ZFP91: variants seen among roughly 807,000 people sequenced by gnomAD.
ZFP91 encodes the protein E3 ubiquitin-protein ligase ZFP91.
Under a neutral mutation model 63.5 loss-of-function variants are expected in ZFP91, and 7 were observed. The ratio of observed to expected loss-of-function variants is 0.11; its 90% CI spans 0.06 to 0.21. The LOEUF is 0.21. Ranked by LOEUF, ZFP91 falls within the 10% of genes least tolerant of loss-of-function variation. The probability of loss-of-function intolerance (pLI) is 1.00; values close to 1 mark genes in which losing one functional copy is unlikely to be tolerated. For missense variants in ZFP91, 628 were observed against 736.6 expected, an observed-to-expected ratio of 0.85 and a Z score of 1.71; for synonymous variants, 330 against 272.1, an observed-to-expected ratio of 1.21 and a Z score of -2.10.
chr11:58,585,046 A>ACGT (rs1855182346), intron 2 of ZFP91, among the ~76,000 whole-genome samples, 162 bp downstream of exon 2: 1 of 152,208 alleles, frequency 6.6e-6, no homozygotes, highest in Admixed American at 6.5e-5. Context: ...CGTTTGGATA[A>ACGT]TAGAGTATAT....
intron 2 of ZFP91, among the ~76,000 whole-genome samples, chr11:58,593,603 A>T (rs1188445422): frequency 6.6e-6 from 1 of 152,252 alleles, no homozygotes; most frequent in African/African-American, 2.4e-5. Context: ...GATCCATTTT[A>T]TATGAACCAA....
At chr11:58,603,477 C>T (rs530974276) in intron 2 of ZFP91, among the ~76,000 whole-genome samples, 4 of 152,288 alleles carry the variant, frequency 2.6e-5, no homozygotes, top group Admixed American at 2.6e-4. Flanking sequence ...CAGGAAAGAT[C>T]TGTGGAGGAC....
At chr11:58,614,386 C>A in intron 9 of ZFP91, 43 bp downstream of exon 9, 1 of 1,397,070 alleles carries the variant, frequency 7.2e-7, no homozygotes, top group Non-Finnish European at 9.9e-7. Context: ...TTGCACTGTG[C>A]TTTAGTTTTG....
At chr11:58,614,202 TC>T in intron 8 of ZFP91, 26 bp from the exon 9 acceptor site, 2 of 1,477,242 alleles carry the variant, frequency 1.4e-6, no homozygotes, top group Non-Finnish European at 9.2e-7. Flanking sequence ...TTTTTTTTTT[TC>T]GCCCCTTTCA....
chr11:58,612,248 T>A, intron 6 of ZFP91, 30 bp from the exon 7 acceptor site: 1 of 1,611,598 alleles, frequency 6.2e-7, no homozygotes, highest in Non-Finnish European at 8.5e-7. Context: ...ATTCAGAATA[T>A]GTCTACTGTT....
intron 2 of ZFP91, among the ~76,000 whole-genome samples, chr11:58,588,472 T>C (rs1002397008): frequency 6.6e-6 from 1 of 152,188 alleles, no homozygotes; most frequent in Non-Finnish European, 1.5e-5. Context: ...TTTTCTTATA[T>C]TGATACAGTC....
At chr11:58,597,913 C>G (rs1280387786) in intron 2 of ZFP91, among the ~76,000 whole-genome samples, 1 of 152,114 alleles carries the variant, frequency 6.6e-6, no homozygotes, top group Non-Finnish European at 1.5e-5. Flanking sequence ...AGTGGCAACT[C>G]TTATGGGTCC....
chr11:58,602,620 T>G (rs1417550217), intron 2 of ZFP91, among the ~76,000 whole-genome samples: 4 of 152,218 alleles, frequency 2.6e-5, no homozygotes, highest in African/African-American at 2.4e-5. Flanking sequence ...CGAGTTGAAT[T>G]GCTTTCCTCA....
chr11:58,612,381 T>C, intron 7 of ZFP91, 53 bp downstream of exon 7: 1 of 1,574,270 alleles, frequency 6.4e-7, no homozygotes, highest in Non-Finnish European at 8.7e-7. Flanking sequence ...ACCAGGCACT[T>C]TACTCACAAA....
At chr11:58,593,973 C>T (rs1425931847) in intron 2 of ZFP91, among the ~76,000 whole-genome samples, 1 of 152,164 alleles carries the variant, frequency 6.6e-6, no homozygotes, top group Non-Finnish European at 1.5e-5. Context: ...CTCTTTAAAG[C>T]CATTATTATC....
chr11:58,618,970 A>G lies in ZFP91; in HGVS notation c.*1264A>G, dbSNP rs1855801122. 8.9e-6 allele frequency: 2 copies of G among 224,724 alleles called. No individual in the cohort carries two copies. Among genetic ancestry groups the G allele is most frequent in the African/African-American group, 2.4e-5 (1 of 42,138 alleles). The allele number at this position is 224,724 out of a possible 1,614,324, so 13.9% of individuals were successfully genotyped here. On this transcript the variant is annotated 3_prime_UTR_variant, in exon 11 of 11. Transcript: ENST00000316059. ...TTTCTTTTCCTTTTTTTTTGTCCCT[A>G]CCATTTCCTTACATTTCCCTTGGGG... is the stretch of plus-strand genomic sequence containing the variant.
At chr11:58,587,987 C>A (rs1855240127) in intron 2 of ZFP91, among the ~76,000 whole-genome samples, 2 of 152,032 alleles carry the variant, frequency 1.3e-5, no homozygotes, top group African/African-American at 4.8e-5. Flanking sequence ...TTATTTATTG[C>A]AGAACTTCTC....
At chr11:58,584,016 A>G (rs890668739) in intron 1 of ZFP91, among the ~76,000 whole-genome samples, 1 of 152,058 alleles carries the variant, frequency 6.6e-6, no homozygotes, top group Non-Finnish European at 1.5e-5. Context: ...AGTAGTAAGT[A>G]TAGGAAGTTC....
chr11:58,616,668 T>G (rs546880847), intron 9 of ZFP91, 48 bp from the exon 10 acceptor site: 3 of 1,528,042 alleles, frequency 2.0e-6, no homozygotes, highest in Non-Finnish European at 2.7e-6. Flanking sequence ...AGGGAAAATA[T>G]TTACAGGGTA....
rs370155539 is a variant in ZFP91 at position 58,616,692 on chromosome 11, C to G, written c.1103-24C>G. 1.8e-5 allele frequency: 29 copies of G among 1,600,078 alleles called. No homozygotes were observed. The South Asian group carries it at 2.2e-4, about 12-fold the overall frequency. ...ATTTACAGGGTATCTAAATAGAACA[C>G]TAACCACAGTATTTTCTTCATAGAT... On this transcript the variant is annotated intron_variant, in intron 9 of 10. Coordinates refer to ENST00000316059, the MANE Select transcript of ZFP91 (RefSeq NM_053023.5).
chr11:58,604,455 A>G (rs942014328), intron 2 of ZFP91, among the ~76,000 whole-genome samples: 3 of 152,180 alleles, frequency 2.0e-5, no homozygotes, highest in Admixed American at 1.3e-4. Context: ...TTGGACTTTT[A>G]TCCTCCAGAA....
intron 2 of ZFP91, among the ~76,000 whole-genome samples, chr11:58,598,101 A>G (rs1855432999): frequency 6.6e-6 from 1 of 152,190 alleles, no homozygotes; most frequent in Admixed American, 6.5e-5. Flanking sequence ...GGAGATAGCT[A>G]TGAAATTATT....
chr11:58,610,947 T>C lies in ZFP91; in HGVS notation c.618-3T>C. ...TGTCTCATTTCTATTTACTTATTTT[T>C]AGTAGTGAAGAGGAAGAGGAGGAGG... On this transcript the variant is annotated splice_polypyrimidine_tract_variant and splice_region_variant and intron_variant, in intron 4 of 10. Coordinates refer to ENST00000316059, the MANE Select transcript of ZFP91 (RefSeq NM_053023.5). 1 of 1,609,766 alleles carries C rather than the reference T, an allele frequency of 6.2e-7. No individual in the cohort carries two copies. Among genetic ancestry groups the C allele is most frequent in the Non-Finnish European group, 8.5e-7 (1 of 1,178,488 alleles).
chr11:58,607,583 A>G (rs1175665053), intron 2 of ZFP91, among the ~76,000 whole-genome samples: 1 of 149,198 alleles, frequency 6.7e-6, no homozygotes, highest in Non-Finnish European at 1.5e-5. Context: ...AACTGTTCGC[A>G]CTGCTATTTA....
Sources: gnomAD v4.1 joint callset for allele counts (sites outside exome capture counted in the v4.1 genomes callset) on GRCh38, gnomAD v4.1.1 for gene constraint, MANE v1.5 for transcripts, NCBI Gene and HGNC (gene_info 2026-07-23, HGNC 2026-07-21) for gene names.